Variants in LNX2 observed in about 807,000 individuals in gnomAD.
LNX2 encodes the protein ligand of numb-protein X 2.
LNX2 carries 35 observed loss-of-function variants against 66.2 expected under a neutral mutation model. The ratio of observed to expected loss-of-function variants is 0.53; its 90% CI spans 0.40 to 0.70. The LOEUF (loss-of-function observed/expected upper bound fraction) is 0.70, where lower values mean the gene tolerates loss of function less well. LNX2 is among the 30% of genes least tolerant of loss of function. LNX2 has a pLI of 0.00. For missense variants in LNX2, 791 were observed against 850.8 expected (o/e 0.93, Z 0.87); for synonymous variants, 337 against 315.6 (o/e 1.07, Z -0.72).
intron 2 of LNX2, among the ~76,000 whole-genome samples, chr13:27,574,530 GA>G (rs78188331): frequency 0.056 from 7,047 of 125,458 alleles, 209 homozygotes; most frequent in Non-Finnish European, 0.079. Flanking sequence ...GAACAGGGAA[GA>G]AAAAAAAAAA....
chr13:27,570,840 GAAGA>G (rs1395362482), intron 2 of LNX2, among the ~76,000 whole-genome samples: 1 of 152,110 alleles, frequency 6.6e-6, no homozygotes, highest in Non-Finnish European at 1.5e-5. Context: ...TGGAACTTAA[GAAGA>G]AATACAGACA....
chr13:27,559,945 C>T lies in LNX2; in HGVS notation c.1265G>A (p.Gly422Glu), dbSNP rs1955110077. 11 of 1,610,506 alleles carry T rather than the reference C, an allele frequency of 6.8e-6. No homozygotes were observed. The highest frequency in any genetic ancestry group is 9.3e-6 in the Non-Finnish European group (11 of 1,177,730). The change falls in exon 6 of 10, where the codon GGG becomes GAG. Residue 422 changes from glycine to glutamate, a missense_variant. By Grantham distance (98) the Gly-to-Glu change is moderately conservative. Transcript: ENST00000316334. ...AATGGTGTTACCAGGCTGGGGTTTC[C>T]CTGGTCTAGCAATTGTTAAATTCAC... ...ERVNLTIARPGKPQPGNTIRE... is the reference protein window; with the variant it reads ...ERVNLTIARPEKPQPGNTIRE...
intron 5 of LNX2, 104 bp from the exon 6 acceptor site, chr13:27,560,089 G>T: frequency 9.7e-7 from 1 of 1,030,400 alleles, no homozygotes; most frequent in Non-Finnish European, 1.3e-6. Flanking sequence ...CACTGTACCA[G>T]GGCGTCATCT....
chr13:27,598,753 T>C (rs373356797), intron 1 of LNX2, among the ~76,000 whole-genome samples: 23 of 152,284 alleles, frequency 1.5e-4, no homozygotes, highest in African/African-American at 5.5e-4. Flanking sequence ...GTACTTACAG[T>C]ATAGTAAATA....
At chr13:27,606,020 C>G (rs1477234102) in intron 1 of LNX2, among the ~76,000 whole-genome samples, 1 of 152,092 alleles carries the variant, frequency 6.6e-6, no homozygotes, top group Non-Finnish European at 1.5e-5. Context: ...TGACAATCCT[C>G]AAAATGAAAG....
intron 5 of LNX2, among the ~76,000 whole-genome samples, chr13:27,560,565 G>GTGTGTATGTGTATATATATACA (rs35007288): frequency 1.7e-5 from 2 of 119,970 alleles, no homozygotes; most frequent in African/African-American, 6.7e-5. Flanking sequence ...ATGTATGTGT[G>GTGTGTATGTGTATATATATACA]TATATATATA....
chr13:27,556,920 G>C (rs773955857), intron 6 of LNX2, among the ~76,000 whole-genome samples: 8 of 152,142 alleles, frequency 5.3e-5, no homozygotes, highest in Non-Finnish European at 1.0e-4. Context: ...CAATCATGAA[G>C]AAGATGCAAA....
chr13:27,579,938 A>G (rs1276812762), intron 2 of LNX2, among the ~76,000 whole-genome samples: 1 of 152,152 alleles, frequency 6.6e-6, no homozygotes. Flanking sequence ...TATTACACGC[A>G]TTTTCAAAAG....
intron 1 of LNX2, among the ~76,000 whole-genome samples, chr13:27,607,493 C>A (rs1027171807): frequency 1.3e-5 from 2 of 152,106 alleles, no homozygotes; most frequent in Non-Finnish European, 2.9e-5. Flanking sequence ...TGAAAAACTT[C>A]AAAATAAAAC....
At chr13:27,583,778 G>A (rs1955451743) in intron 1 of LNX2, among the ~76,000 whole-genome samples, 1 of 152,168 alleles carries the variant, frequency 6.6e-6, no homozygotes, top group Non-Finnish European at 1.5e-5. Context: ...GAGGTAGGGA[G>A]AGGACAGTTA....
At chr13:27,582,655 A>G (rs1955413537) in intron 1 of LNX2, among the ~76,000 whole-genome samples, 1 of 152,132 alleles carries the variant, frequency 6.6e-6, no homozygotes, top group African/African-American at 2.4e-5. Context: ...AAAACCAAAC[A>G]CCACATGTTC....
chr13:27,583,216 G>GTCCTCTCCAATATAAC (rs1555268479), intron 1 of LNX2, among the ~76,000 whole-genome samples: 6 of 17,732 alleles, frequency 3.4e-4, no homozygotes, highest in African/African-American at 6.4e-4. Context: ...GTGTGTGTGT[G>GTCCTCTCCAATATAAC]TGTGTGTGTG....
rs1404226209 is a variant in LNX2, at chr13:27,546,095, T to C, written c.*2240A>G. 6.6e-6 allele frequency: 1 copy of C among 152,204 alleles called. No individual in the cohort carries two copies. Among genetic ancestry groups the C allele is most frequent in the Admixed American group, 6.5e-5 (1 of 15,274 alleles). The allele number at this position is 152,204 out of a possible 1,614,324, so 9.4% of individuals were successfully genotyped here. ...ACAATAAATTATGAACAAGTTTCCG[T>C]CACCAAATATCACTCTGACCAAAAA... is the stretch of plus-strand genomic sequence containing the variant. On this transcript the variant is annotated 3_prime_UTR_variant, in exon 10 of 10. Transcript: ENST00000316334.
chr13:27,562,608 A>G lies in LNX2; in HGVS notation c.1029T>C (p.His343=). Residue 343 remains histidine (H), a synonymous_variant, in exon 5 of 10, where the codon CAT becomes CAC. Coordinates refer to ENST00000316334, the MANE Select transcript of LNX2 (RefSeq NM_153371.4). ...CAAGCTGTTCACCAGAGTCCCGTTTATGAAGAGCCACTTGGAAAATCTCTT... is the reference window on the plus strand; with the variant it reads ...CAAGCTGTTCACCAGAGTCCCGTTTGTGAAGAGCCACTTGGAAAATCTCTT... ...PREEIFQVAL[H]KRDSGEQLGI... is the part of the protein sequence containing the mutation. The G allele has an allele frequency of 6.2e-7, 1 of 1,614,154 alleles. No individual in the cohort carries two copies. Among genetic ancestry groups the G allele is most frequent in the South Asian group, 1.1e-5 (1 of 91,076 alleles).
chr13:27,595,813 C>A (rs76308377), intron 1 of LNX2, among the ~76,000 whole-genome samples: 16,214 of 152,170 alleles, frequency 0.11, 1,025 homozygotes, highest in East Asian at 0.28. Context: ...TTCAGTTTCT[C>A]TGCCACCTCC....
At chr13:27,583,638 C>G (rs1383785286) in intron 1 of LNX2, among the ~76,000 whole-genome samples, 1 of 152,116 alleles carries the variant, frequency 6.6e-6, no homozygotes, top group African/African-American at 2.4e-5. Context: ...CGGTTTCCAT[C>G]TTTCTACTGC....
rs1331578609 is a variant in LNX2 at position 27,610,807 on chromosome 13, G to A, written c.-101+9568C>T. Among the ~76,000 whole-genome samples, 26 of 152,078 alleles carry A rather than the reference G, an allele frequency of 1.7e-4. 1 individual carries two copies. Among genetic ancestry groups the A allele is most frequent in the Admixed American group, 1.7e-3 (26 of 15,280 alleles). ...AACAAAAAAAACAGGCCAAGGATGT[G>A]AACAGACATTTCTCCAAAAATGATA... is the stretch of plus-strand genomic sequence containing the variant. On this transcript the variant is annotated intron_variant, in intron 1 of 9. Coordinates refer to ENST00000316334, the MANE Select transcript of LNX2 (RefSeq NM_153371.4).
At chr13:27,612,641 C>A (rs1399013546) in intron 1 of LNX2, among the ~76,000 whole-genome samples, 1 of 152,222 alleles carries the variant, frequency 6.6e-6, no homozygotes, top group Non-Finnish European at 1.5e-5. Context: ...TCTTGTTGCC[C>A]AGGCTGGAGT....
Position 27,553,316 on chromosome 13 carries a change from A to G in LNX2, c.1670T>C (p.Ile557Thr). 1.9e-6 allele frequency: 3 copies of G among 1,614,134 alleles called. No homozygotes were observed. The highest frequency in any genetic ancestry group is 2.2e-5 in the South Asian group (2 of 91,078). The change falls in exon 8 of 10, where the codon ATT becomes ACT. Residue 557 changes from isoleucine to threonine, a missense_variant. By Grantham distance (89) the Ile-to-Thr change is moderately conservative. Transcript: ENST00000316334. ...CGCGTTCTGAGTCGCCTCCTCAACA[A>G]TCTGGACCTCAAGTGCTTTAAGGGC... The part of the protein sequence containing the change: ...AVALKALEVQ[I>T]VEEATQNAEE...
Sources: allele counts gnomAD v4.1 joint callset (sites outside exome capture counted in the v4.1 genomes callset), GRCh38; gene constraint gnomAD v4.1.1; transcripts MANE v1.5; gene names NCBI Gene and HGNC (gene_info 2026-07-23, HGNC 2026-07-21).